Variants in VWA8 observed in about 807,000 individuals in gnomAD.
VWA8 encodes von Willebrand factor A domain-containing protein 8.
In VWA8, 221 loss-of-function variants were observed where a neutral mutation model predicts 241.5. The ratio of observed to expected loss-of-function variants is 0.91; its 90% CI spans 0.82 to 1.02. The LOEUF (loss-of-function observed/expected upper bound fraction) is 1.02, where lower values mean the gene tolerates loss of function less well. VWA8 is among the 50% of genes least tolerant of loss of function. The pLI, the probability that VWA8 is intolerant of heterozygous loss-of-function variation, is 0.00. For missense variants in VWA8, 2,322 were observed against 2,328.7 expected, an observed-to-expected ratio of 1.00 and a Z score of 0.06; for synonymous variants, 852 against 827.1, an observed-to-expected ratio of 1.03 and a Z score of -0.52.
At chr13:41,748,805 T>C (rs550648369) in intron 21 of VWA8, among the ~76,000 whole-genome samples, 54 of 152,292 alleles carry the variant, frequency 3.5e-4, no homozygotes, top group African/African-American at 1.2e-3. Flanking sequence ...TGGCTAGCCA[T>C]ATGTAGAAAG....
chr13:41,642,789 C>T (rs1381369891), intron 37 of VWA8, among the ~76,000 whole-genome samples: 1 of 151,444 alleles, frequency 6.6e-6, no homozygotes, highest in East Asian at 1.9e-4. Flanking sequence ...ATTAGCCAGG[C>T]GTGGTGACAG....
intron 12 of VWA8, among the ~76,000 whole-genome samples, chr13:41,861,282 A>T (rs1162818811): frequency 6.6e-6 from 1 of 152,160 alleles, no homozygotes; most frequent in African/African-American, 2.4e-5. Flanking sequence ...CTATAACTCA[A>T]CAACAAAAAG....
At chr13:41,838,318 CATA>C (rs1871837132) in intron 12 of VWA8, among the ~76,000 whole-genome samples, 1 of 151,958 alleles carries the variant, frequency 6.6e-6, no homozygotes, top group Admixed American at 6.6e-5. Flanking sequence ...TTTTCCAAGG[CATA>C]ATGTCATTCA....
At chr13:41,900,991 T>C (rs536762563) in intron 4 of VWA8, among the ~76,000 whole-genome samples, 16 of 152,296 alleles carry the variant, frequency 1.1e-4, no homozygotes, top group African/African-American at 3.6e-4. Context: ...GCTTATCTCA[T>C]AGACTGTGTT....
chr13:41,762,650 A>G (rs549574416), intron 20 of VWA8, among the ~76,000 whole-genome samples: 1 of 152,282 alleles, frequency 6.6e-6, no homozygotes, highest in East Asian at 1.9e-4. Context: ...GCAGAAGCCC[A>G]ATAGGGAAGC....
intron 21 of VWA8, among the ~76,000 whole-genome samples, chr13:41,750,355 C>T (rs148311008): frequency 0.012 from 1,786 of 151,868 alleles, 10 homozygotes; most frequent in South Asian, 0.019. Context: ...ATTGCTTGAA[C>T]CCGGGAGGTG....
At chr13:41,611,022 T>G (rs1445464151) in intron 39 of VWA8, among the ~76,000 whole-genome samples, 1 of 152,184 alleles carries the variant, frequency 6.6e-6, no homozygotes, top group African/African-American at 2.4e-5. Flanking sequence ...CTCTCTTCCA[T>G]AGACACTATG....
At chr13:41,654,893 C>T (rs2044892613) in intron 37 of VWA8, among the ~76,000 whole-genome samples, 2 of 152,212 alleles carry the variant, frequency 1.3e-5, no homozygotes, top group African/African-American at 4.8e-5. Context: ...TTGAAAGACA[C>T]CAAAGAGACA....
chr13:41,862,671 T>A (rs1046814592), intron 12 of VWA8, among the ~76,000 whole-genome samples: 3 of 152,152 alleles, frequency 2.0e-5, no homozygotes, highest in Non-Finnish European at 4.4e-5. Context: ...GAATATATTT[T>A]AAAAAGGCTC....
At chr13:41,808,209 C>T (rs930314078) in intron 17 of VWA8, among the ~76,000 whole-genome samples, 7 of 152,074 alleles carry the variant, frequency 4.6e-5, no homozygotes, top group Non-Finnish European at 5.9e-5. Flanking sequence ...TACCTCAACA[C>T]AATGAAAGCC....
intron 18 of VWA8, 29 bp from the exon 19 acceptor site, chr13:41,783,930 A>T: frequency 1.9e-6 from 3 of 1,571,416 alleles, no homozygotes; most frequent in Non-Finnish European, 2.6e-6. Flanking sequence ...ACGGATAATT[A>T]TTCATAGCAC....
chr13:41,911,836 C>G (rs1022195761), intron 3 of VWA8, among the ~76,000 whole-genome samples: 1 of 152,194 alleles, frequency 6.6e-6, no homozygotes, highest in South Asian at 2.1e-4. Flanking sequence ...AAATTTGCTA[C>G]AGCTATGAAA....
chr13:41,617,683 C>G (rs1356464048), intron 37 of VWA8, among the ~76,000 whole-genome samples: 1 of 150,752 alleles, frequency 6.6e-6, no homozygotes, highest in East Asian at 2.0e-4. Context: ...TGTTCCTCGC[C>G]CTGTGTCCAA....
At chr13:41,643,161 A>T (rs1209466586) in intron 37 of VWA8, among the ~76,000 whole-genome samples, 1 of 152,122 alleles carries the variant, frequency 6.6e-6, no homozygotes, top group Non-Finnish European at 1.5e-5. Flanking sequence ...GTCTTCTCAT[A>T]CACTTATTGT....
At chr13:41,896,841 T>C (rs1245207180) in intron 4 of VWA8, among the ~76,000 whole-genome samples, 1 of 152,162 alleles carries the variant, frequency 6.6e-6, no homozygotes, top group Admixed American at 6.5e-5. Flanking sequence ...GAGAGTAACT[T>C]AGAAAGATAT....
In VWA8 at chr13:41,833,448, A is replaced by G. The variant is rs750251831; in HGVS notation, c.1509T>C (p.Asn503=). 1.2e-6 allele frequency: 2 copies of G among 1,614,084 alleles called. No individual in the cohort carries two copies. Among genetic ancestry groups the G allele is most frequent in the South Asian group, 1.1e-5 (1 of 91,068 alleles). Residue 503 remains asparagine (N), a synonymous_variant, in exon 13 of 45, where the codon AAT becomes AAC. Transcript: ENST00000379310. ...GGACCAGCTTGCCTTCCAGAGCAGCATTCACAAGGGGTGAGGACCGCCAGG... is the reference window on the plus strand; with the variant it reads ...GGACCAGCTTGCCTTCCAGAGCAGCGTTCACAAGGGGTGAGGACCGCCAGG... ...DTAWRSSPLV[N]AALEGKLVLL... is the part of the protein sequence containing the mutation.
At chr13:41,728,992 A>G (rs1291296662) in intron 23 of VWA8, among the ~76,000 whole-genome samples, 1 of 152,084 alleles carries the variant, frequency 6.6e-6, no homozygotes, top group Non-Finnish European at 1.5e-5. Flanking sequence ...TGTTCCTTGT[A>G]GTTTAAATAC....
At chr13:41,946,941 T>G (rs1283309822) in intron 2 of VWA8, among the ~76,000 whole-genome samples, 1 of 152,236 alleles carries the variant, frequency 6.6e-6, no homozygotes, top group South Asian at 2.1e-4. Context: ...TCACCCTTGA[T>G]AGCTGATCAG....
At chr13:41,794,084 GC>G (rs1278398361) in intron 17 of VWA8, among the ~76,000 whole-genome samples, 1 of 151,516 alleles carries the variant, frequency 6.6e-6, no homozygotes, top group African/African-American at 2.4e-5. Flanking sequence ...GTTGTCTCCA[GC>G]TTTTTTTTTT....
Sources: gnomAD v4.1 joint callset for allele counts (sites outside exome capture counted in the v4.1 genomes callset) on GRCh38, gnomAD v4.1.1 for gene constraint, MANE v1.5 for transcripts, NCBI Gene and HGNC (gene_info 2026-07-23, HGNC 2026-07-21) for gene names.